PTK7: variants seen among roughly 807,000 people sequenced by gnomAD.
PTK7 encodes the protein inactive tyrosine-protein kinase 7.
Under a neutral mutation model 116.6 loss-of-function variants are expected in PTK7, and 39 were observed. The observed-to-expected ratio is 0.33, with a 90% confidence interval of 0.26 to 0.44. The LOEUF is 0.44. Ranked by LOEUF, PTK7 falls within the 20% of genes least tolerant of loss-of-function variation. The pLI is 1.00. For missense variants in PTK7, 1,169 were observed against 1,425.6 expected, an observed-to-expected ratio of 0.82 and a Z score of 2.90; for synonymous variants, 546 against 563.6, an observed-to-expected ratio of 0.97 and a Z score of 0.44.
intron 1 of PTK7, among the ~76,000 whole-genome samples, chr6:43,108,545 G>T (rs11967860): frequency 0.026 from 4,001 of 151,822 alleles, 185 homozygotes; most frequent in African/African-American, 0.092. Context: ...GACTACAGGC[G>T]CATACCACCA....
In PTK7 at chr6:43,130,432, G is replaced by T. The variant is rs1769592282; in HGVS notation, c.661+12G>T. 3 of 1,603,980 alleles carry T rather than the reference G, an allele frequency of 1.9e-6. No individual in the cohort carries two copies. The highest frequency in any genetic ancestry group is 2.6e-6 in the Non-Finnish European group (3 of 1,172,154). On this transcript the variant is annotated intron_variant, in intron 4 of 19. Coordinates refer to ENST00000230419, the MANE Select transcript of PTK7 (RefSeq NM_002821.5). ...CTTGAGCATTGCTGGTGAGCCTGGG[G>T]TGGGGGCGGAAGGGATGAGGTGAGC...
Position 43,076,606 on chromosome 6 carries a change from C to A in PTK7, c.79+39C>A, listed in dbSNP as rs376351894. ...AGTTGGGGGCACAGAGCTTGGGAAGCGCGGGAGTCCCGTGGGCAAAAGGCT... is the reference window on the plus strand; with the variant it reads ...AGTTGGGGGCACAGAGCTTGGGAAGAGCGGGAGTCCCGTGGGCAAAAGGCT... On this transcript the variant is annotated intron_variant, in intron 1 of 19. Coordinates refer to ENST00000230419, the MANE Select transcript of PTK7 (RefSeq NM_002821.5). The surrounding 1 kb of genome is among the most constrained non-coding windows in gnomAD (Gnocchi z 5.7). The A allele has an allele frequency of 2.8e-4, 430 of 1,548,582 alleles. 4 individuals carry two copies. The highest frequency in any genetic ancestry group is 3.1e-4 in the Admixed American group (15 of 48,328).
At chr6:43,159,685 C>A (rs1204045983) in intron 18 of PTK7, 103 bp from the exon 19 acceptor site, 1 of 1,223,530 alleles carries the variant, frequency 8.2e-7, no homozygotes, top group Non-Finnish European at 1.2e-6. Flanking sequence ...TGTAGAAAGG[C>A]TGGGCCCCCG....
intron 1 of PTK7, among the ~76,000 whole-genome samples, chr6:43,096,913 G>C (rs955663843): frequency 2.3e-5 from 2 of 85,408 alleles, no homozygotes; most frequent in Non-Finnish European, 2.4e-5. Flanking sequence ...CAGTTTGCTG[G>C]GGGCCTGGAG....
chr6:43,102,539 A>G (rs1767643014), intron 1 of PTK7, among the ~76,000 whole-genome samples: 1 of 152,046 alleles, frequency 6.6e-6, no homozygotes, highest in Non-Finnish European at 1.5e-5. Context: ...CGGTGCATTG[A>G]GATCCTACCA....
chr6:43,101,546 C>T (rs369299880), intron 1 of PTK7, among the ~76,000 whole-genome samples: 8 of 147,654 alleles, frequency 5.4e-5, no homozygotes, highest in East Asian at 3.9e-4. Context: ...AGCAAGACTC[C>T]GTCTCAAAAA....
In PTK7 at chr6:43,141,791, G is replaced by A. The variant is rs778867710; in HGVS notation, c.1742G>A (p.Arg581His). 3.2e-5 allele frequency: 51 copies of A among 1,613,906 alleles called. No individual in the cohort carries two copies. In the African/African-American group the frequency reaches 5.2e-4, roughly 16 times the overall value. ...IASNGPQGQI[R>H]AHVQLTVAVF... ...TCCAACGGGCCGCAGGGCCAGATTC[G>A]TGCCCATGTCCAGCTCACTGTGGCA... Residue 581 changes from arginine (R) to histidine (H), a missense_variant, in exon 11 of 20, where the codon CGT becomes CAT. By Grantham distance (29) the Arg-to-His change is conservative. This residue lies in a region of PTK7 where 678 missense variants were observed against 853.8 expected (regional missense o/e 0.79). Transcript: ENST00000230419. This position sits in a 1 kb window ranked among gnomAD's most constrained non-coding sequence, Gnocchi z 4.9.
chr6:43,139,353 C>T lies in PTK7; in HGVS notation c.1499-53C>T. 6.2e-7 allele frequency: 1 copy of T among 1,613,936 alleles called. No homozygotes were observed. Among genetic ancestry groups the T allele is most frequent in the South Asian group, 1.1e-5 (1 of 91,064 alleles). On this transcript the variant is annotated intron_variant, in intron 9 of 19. Coordinates refer to ENST00000230419, the MANE Select transcript of PTK7 (RefSeq NM_002821.5). The surrounding 1 kb of genome is among the most constrained non-coding windows in gnomAD (Gnocchi z 4.6). Reference sequence around the variant, plus strand: ...GAGGGAGCAGCAGGCCTGGCCACGGCCTCTCCAGCGGCCCCAATTCCTCGT... The same window carrying T: ...GAGGGAGCAGCAGGCCTGGCCACGGTCTCTCCAGCGGCCCCAATTCCTCGT...
At chr6:43,115,158 T>G (rs1371806099) in intron 1 of PTK7, among the ~76,000 whole-genome samples, 1 of 152,224 alleles carries the variant, frequency 6.6e-6, no homozygotes, top group Non-Finnish European at 1.5e-5. Flanking sequence ...ATACTTATTT[T>G]GCTATCTTTA....
intron 1 of PTK7, among the ~76,000 whole-genome samples, chr6:43,123,464 T>G (rs537438505): frequency 1.3e-5 from 2 of 152,266 alleles, no homozygotes; most frequent in African/African-American, 4.8e-5. Context: ...AGGAAAAACT[T>G]CCTGCTGCTC....
chr6:43,115,683 C>A (rs1768469925), intron 1 of PTK7, among the ~76,000 whole-genome samples: 1 of 151,900 alleles, frequency 6.6e-6, no homozygotes, highest in Admixed American at 6.6e-5. Flanking sequence ...CACCTATAAT[C>A]CCAGCACTTT....
intron 1 of PTK7, among the ~76,000 whole-genome samples, chr6:43,080,135 G>A (rs1389132072): frequency 1.3e-5 from 2 of 151,516 alleles, no homozygotes. Flanking sequence ...GGCGGATCAT[G>A]AGGTTAGGAG....
intron 17 of PTK7, among the ~76,000 whole-genome samples, chr6:43,155,214 G>C (rs1412469616): frequency 6.6e-6 from 1 of 151,852 alleles, no homozygotes; most frequent in Non-Finnish European, 1.5e-5. Context: ...AAAGAGATAG[G>C]ATCTCACAAT....
At position 43,157,378 on chromosome 6, in the gene PTK7, T is replaced by TC. The variant is rs1561990778; in HGVS notation, c.2722-1439_2722-1438insC. ...TATATATATATATTTTTTTTTTTCT[T>TC]TTTTTTTTTTTTTTTTTAATAGAGT... On this transcript the variant is annotated intron_variant, in intron 17 of 19. Transcript: ENST00000230419. Among the ~76,000 whole-genome samples, 87 of 79,794 alleles carry TC rather than the reference T, an allele frequency of 1.1e-3. 8 individuals carry two copies. Among genetic ancestry groups the TC allele is most frequent in the African/African-American group, 3.5e-3 (72 of 20,316 alleles). The allele number at this position is 79,794 out of a possible 152,430, so 52.3% of individuals were successfully genotyped here.
chr6:43,160,575 T>C lies in PTK7; in HGVS notation c.3053-146T>C, dbSNP rs572229872. The C allele has an allele frequency of 3.7e-5, 37 of 997,906 alleles. No individual in the cohort carries two copies. The South Asian group carries it at 5.2e-4, about 14-fold the overall frequency. 61.8% of individuals were successfully genotyped at this position (997,906 alleles called of 1,614,324 possible). On this transcript the variant is annotated intron_variant, in intron 19 of 19. Coordinates refer to ENST00000230419, the MANE Select transcript of PTK7 (RefSeq NM_002821.5). Reference sequence around the variant, plus strand: ...AGTGGGGCCAGGGGAGTCATCTTTTTCCGTTGCGGGTACCCACCTGCCGCT... The same window carrying C: ...AGTGGGGCCAGGGGAGTCATCTTTTCCCGTTGCGGGTACCCACCTGCCGCT...
At chr6:43,137,240 A>G (rs1770095907) in intron 7 of PTK7, among the ~76,000 whole-genome samples, 1 of 152,218 alleles carries the variant, frequency 6.6e-6, no homozygotes, top group Admixed American at 6.5e-5. Context: ...GGAGACCCAT[A>G]CTAAGTAGAT....
At chr6:43,148,843 G>A (rs1055590832) in intron 17 of PTK7, among the ~76,000 whole-genome samples, 2 of 147,920 alleles carry the variant, frequency 1.4e-5, no homozygotes, top group African/African-American at 5.0e-5. Context: ...GGCAGATCAC[G>A]AGGTCAGGAG....
chr6:43,084,480 T>C (rs1766546542), intron 1 of PTK7, among the ~76,000 whole-genome samples: 1 of 152,180 alleles, frequency 6.6e-6, no homozygotes, highest in South Asian at 2.1e-4. Flanking sequence ...TGGAGATTCT[T>C]ACCTACGCTT....
Position 43,129,737 on chromosome 6 carries a change from A to G in PTK7, c.378A>G (p.Ala126=), listed in dbSNP as rs766652585. ...TGGCCTCTGCTACAGGGATTGAGGC[A>G]GGTCCTGTGGTCCTGAAGCATCCAG... ...NASFNIKWIE[A]GPVVLKHPAS... is the part of the protein sequence containing the mutation. The change falls in exon 3 of 20, where the codon GCA becomes GCG. Residue 126 remains alanine (A), a synonymous_variant. Coordinates refer to ENST00000230419, the MANE Select transcript of PTK7 (RefSeq NM_002821.5). The surrounding 1 kb of genome is among the most constrained non-coding windows in gnomAD (Gnocchi z 4.5). 1.2e-6 allele frequency: 2 copies of G among 1,614,102 alleles called. No homozygotes were observed. Among genetic ancestry groups the G allele is most frequent in the Admixed American group, 3.3e-5 (2 of 60,012 alleles).
Sources: allele counts gnomAD v4.1 joint callset (sites outside exome capture counted in the v4.1 genomes callset), GRCh38; gene constraint gnomAD v4.1.1; regional missense constraint gnomAD v4.1.1; non-coding constraint Gnocchi (gnomAD v3.1); transcripts MANE v1.5; gene names NCBI Gene and HGNC (gene_info 2026-07-23, HGNC 2026-07-21).